Variants in ZNF839 observed in about 807,000 individuals in gnomAD.
The protein encoded by ZNF839 is renal carcinoma antigen NY-REN-50.
Under a neutral mutation model 56.4 loss-of-function variants are expected in ZNF839, and 38 were observed. That is an observed-to-expected ratio of 0.67 (90% CI 0.52 to 0.88). The LOEUF is 0.88. Ranked by LOEUF, ZNF839 falls within the 40% of genes least tolerant of loss-of-function variation. The probability of loss-of-function intolerance (pLI) is 0.00; values close to 1 mark genes in which losing one functional copy is unlikely to be tolerated. For missense variants in ZNF839, 1,091 were observed against 1,177.6 expected (o/e 0.93, Z 1.08); for synonymous variants, 486 against 493.5 (o/e 0.98, Z 0.20).
At chr14:102,333,963 T>TC (rs2073906990) in intron 3 of ZNF839, among the ~76,000 whole-genome samples, 1 of 152,142 alleles carries the variant, frequency 6.6e-6, no homozygotes, top group Admixed American at 6.5e-5. Flanking sequence ...GGCTATGCTC[T>TC]CCCCTCATCT....
rs905734971 is a variant in ZNF839 at position 102,319,942 on chromosome 14, C to T, written c.177C>T (p.Pro59=). Residue 59 remains proline (P), a synonymous_variant, in exon 1 of 8, where the codon CCC becomes CCT. Transcript: ENST00000442396. This position sits in a 1 kb window ranked among gnomAD's most constrained non-coding sequence, Gnocchi z 4.5. ...CGCAGCCGCCGCCGCCGCCGCCCCCCTTCGTGCTGCGGGACGCGGCGCGGC... is the reference window on the plus strand; with the variant it reads ...CGCAGCCGCCGCCGCCGCCGCCCCCTTTCGTGCTGCGGGACGCGGCGCGGC... The part of the protein sequence containing the change: ...TKAQPPPPPP[P]FVLRDAARRL... 1.2e-5 allele frequency: 14 copies of T among 1,196,046 alleles called. No individual in the cohort carries two copies. Among genetic ancestry groups the T allele is most frequent in the African/African-American group, 1.6e-5 (1 of 61,522 alleles). The allele number at this position is 1,196,046 out of a possible 1,614,324, so 74.1% of individuals were successfully genotyped here.
In ZNF839 at chr14:102,326,630, AG is replaced by A. The variant is rs1473744932; in HGVS notation, c.935del (p.Ser312ThrfsTer12). 3 of 1,613,410 alleles carry A rather than the reference AG, an allele frequency of 1.9e-6. No individual in the cohort carries two copies. The highest frequency in any genetic ancestry group is 2.5e-6 in the Non-Finnish European group (3 of 1,179,746). On this transcript the variant is annotated frameshift_variant, in exon 2 of 8. Transcript: ENST00000442396. LOFTEE classifies it high-confidence loss of function. The surrounding 1 kb of genome is among the most constrained non-coding windows in gnomAD (Gnocchi z 4.3). ...ATCGAGCTGCTCCCTGAGGCCCAAAAGCTTTAAGTGTCAGACTTGTGAAAAG... is the reference window on the plus strand; with the variant it reads ...ATCGAGCTGCTCCCTGAGGCCCAAAACTTTAAGTGTCAGACTTGTGAAAAG... ...DLSSCSLRPK[S>X]FKCQTCEKSY... is the part of the protein sequence containing the mutation.
chr14:102,320,334 G>T (rs1015262131), intron 1 of ZNF839, among the ~76,000 whole-genome samples: 6 of 152,174 alleles, frequency 3.9e-5, no homozygotes, highest in Non-Finnish European at 8.8e-5. Context: ...GGGCTTTTGC[G>T]TGCTCCCTAG....
Position 102,326,675 on chromosome 14 carries a change from G to A in ZNF839, c.979G>A (p.Gly327Arg), listed in dbSNP as rs1379307921. 24 of 1,612,110 alleles carry A rather than the reference G, an allele frequency of 1.5e-5. No individual in the cohort carries two copies. Among genetic ancestry groups the A allele is most frequent in the Non-Finnish European group, 1.9e-5 (22 of 1,179,184 alleles). The change falls in exon 2 of 8, where the codon GGA becomes AGA. Residue 327 changes from glycine to arginine, a missense_variant. Transcript: ENST00000442396. This position sits in a 1 kb window ranked among gnomAD's most constrained non-coding sequence, Gnocchi z 4.3. ...TGAAAAGTCATATATAGGGAAGGGG[G>A]GACTGGCCCGACATTTTAAACTTAA... ...TCEKSYIGKG[G>R]LARHFKLNPG...
At chr14:102,333,266 T>C (rs2073869948) in intron 3 of ZNF839, among the ~76,000 whole-genome samples, 1 of 149,916 alleles carries the variant, frequency 6.7e-6, no homozygotes, top group Non-Finnish European at 1.5e-5. Context: ...CCAATCTTTT[T>C]TTTTTTTTTT....
intron 5 of ZNF839, among the ~76,000 whole-genome samples, chr14:102,338,448 G>T (rs1237510641): frequency 6.9e-6 from 1 of 144,950 alleles, no homozygotes; most frequent in African/African-American, 2.6e-5. Flanking sequence ...TGAAGCAGGA[G>T]AATCACTTGA....
chr14:102,325,952 T>C, intron 1 of ZNF839, 33 bp from the exon 2 acceptor site: 3 of 1,596,950 alleles, frequency 1.9e-6, no homozygotes, highest in Middle Eastern at 3.3e-4. Context: ...AGCACAATGC[T>C]TCTTTTCTCT....
chr14:102,326,482 A>C lies in ZNF839; in HGVS notation c.786A>C (p.Lys262Asn). The change falls in exon 2 of 8, where the codon AAA becomes AAC. Residue 262 changes from lysine (K) to asparagine (N), a missense_variant. Transcript: ENST00000442396. The surrounding 1 kb of genome is among the most constrained non-coding windows in gnomAD (Gnocchi z 4.3). ...RVSRPPKYKA[K>N]DYKFIKTEDL... ...CTCGACCTCCCAAATATAAAGCTAA[A>C]GATTATAAGTTCATAAAAACAGAGG... 6.2e-7 allele frequency: 1 copy of C among 1,614,054 alleles called. No homozygotes were observed. The highest frequency in any genetic ancestry group is 8.5e-7 in the Non-Finnish European group (1 of 1,179,896).
chr14:102,336,705 G>A (rs1040188238), intron 5 of ZNF839: 1 of 390,522 alleles, frequency 2.6e-6, no homozygotes, highest in Non-Finnish European at 4.9e-6. Flanking sequence ...CTGATGATCA[G>A]AGTTAAAACC....
chr14:102,341,776 A>T lies in ZNF839; in HGVS notation c.2381A>T (p.Glu794Val). Residue 794 changes from glutamate to valine, a missense_variant, in exon 8 of 8, where the codon GAG becomes GTG. Physicochemically the swap from Glu to Val is moderately radical, Grantham distance 121. This residue lies in a region of ZNF839 where 431 missense variants were observed against 468.0 expected (regional missense o/e 0.92). Transcript: ENST00000442396. ...AGCCCCACCAGCGTCCTGCCTACAG[A>T]GGTGGCAGCCCCTCCGCTTGAGAAA... The part of the protein sequence containing the change: ...QPSPTSVLPT[E>V]VAAPPLEKIL... 6.2e-7 allele frequency: 1 copy of T among 1,613,968 alleles called. No homozygotes were observed. Among genetic ancestry groups the T allele is most frequent in the Non-Finnish European group, 8.5e-7 (1 of 1,179,894 alleles).
chr14:102,326,955 G>A lies in ZNF839; in HGVS notation c.1191+68G>A. 1 of 1,433,934 alleles carries A rather than the reference G, an allele frequency of 7.0e-7. No homozygotes were observed. Among genetic ancestry groups the A allele is most frequent in the Non-Finnish European group, 9.2e-7 (1 of 1,082,596 alleles). 88.8% of individuals were successfully genotyped at this position (1,433,934 alleles called of 1,614,324 possible). On this transcript the variant is annotated intron_variant, in intron 2 of 7. Coordinates refer to ENST00000442396, the MANE Select transcript of ZNF839 (RefSeq NM_018335.6). This position sits in a 1 kb window ranked among gnomAD's most constrained non-coding sequence, Gnocchi z 4.3. ...CTCGGATTGCTATAAAGAAATACCTGAGACCAGGTATTTTATAAAGAAAAG... is the reference window on the plus strand; with the variant it reads ...CTCGGATTGCTATAAAGAAATACCTAAGACCAGGTATTTTATAAAGAAAAG...
Position 102,341,775 on chromosome 14 carries a change from G to A in ZNF839, c.2380G>A (p.Glu794Lys). The change falls in exon 8 of 8, where the codon GAG becomes AAG. Residue 794 changes from glutamate to lysine, a missense_variant. By Grantham distance (56) the Glu-to-Lys change is moderately conservative. Coordinates refer to ENST00000442396, the MANE Select transcript of ZNF839 (RefSeq NM_018335.6). ...CAGCCCCACCAGCGTCCTGCCTACA[G>A]AGGTGGCAGCCCCTCCGCTTGAGAA... ...QPSPTSVLPT[E>K]VAAPPLEKIL... 1 of 1,614,044 alleles carries A rather than the reference G, an allele frequency of 6.2e-7. No individual in the cohort carries two copies. The highest frequency in any genetic ancestry group is 8.5e-7 in the Non-Finnish European group (1 of 1,179,898).
intron 2 of ZNF839, among the ~76,000 whole-genome samples, chr14:102,329,785 T>G (rs1161705819): frequency 1.4e-5 from 2 of 141,682 alleles, no homozygotes; most frequent in Non-Finnish European, 3.0e-5. Flanking sequence ...CAAATAGAGA[T>G]AACCTTTTTT....
At position 102,326,501 on chromosome 14, in the gene ZNF839, A is replaced by C; in HGVS notation, c.805A>C (p.Thr269Pro). The change falls in exon 2 of 8, where the codon ACA becomes CCA. Residue 269 changes from threonine (T) to proline (P), a missense_variant. Thr to Pro is a conservative substitution (Grantham distance 38, BLOSUM62 -1). This residue lies in a region of ZNF839 where 614 missense variants were observed against 629.2 expected (regional missense o/e 0.98). Coordinates refer to ENST00000442396, the MANE Select transcript of ZNF839 (RefSeq NM_018335.6). This position sits in a 1 kb window ranked among gnomAD's most constrained non-coding sequence, Gnocchi z 4.3. The part of the protein sequence containing the change: ...YKAKDYKFIK[T>P]EDLADGHLSD... ...AGCTAAAGATTATAAGTTCATAAAA[A>C]CAGAGGATCTGGCGGATGGTCATCT... The C allele has an allele frequency of 6.2e-7, 1 of 1,614,042 alleles. No individual in the cohort carries two copies. Among genetic ancestry groups the C allele is most frequent in the Non-Finnish European group, 8.5e-7 (1 of 1,179,912 alleles).
At chr14:102,327,864 A>G (rs1419547331) in intron 2 of ZNF839, among the ~76,000 whole-genome samples, 1 of 151,776 alleles carries the variant, frequency 6.6e-6, no homozygotes, top group South Asian at 2.1e-4. Context: ...AGTAAAACCA[A>G]TGGCAGTGCG....
At position 102,326,770 on chromosome 14, in the gene ZNF839, G is replaced by T. The variant is rs762693692; in HGVS notation, c.1074G>T (p.Gly358=). 8 of 1,612,900 alleles carry T rather than the reference G, an allele frequency of 5.0e-6. No individual in the cohort carries two copies. Among genetic ancestry groups the T allele is most frequent in the Non-Finnish European group, 6.8e-6 (8 of 1,179,520 alleles). The stretch of plus-strand genomic sequence containing the variant: ...AAGCCAGTGGAAGCACCCTCCGGGG[G>T]TGCACGGAGGAAAGGACGCTCAGCC... The part of the protein sequence containing the change: ...SEKASGSTLR[G]CTEERTLSLT... The change falls in exon 2 of 8, where the codon GGG becomes GGT. Residue 358 remains glycine (G), a synonymous_variant. Coordinates refer to ENST00000442396, the MANE Select transcript of ZNF839 (RefSeq NM_018335.6). The surrounding 1 kb of genome is among the most constrained non-coding windows in gnomAD (Gnocchi z 4.3).
At position 102,336,691 on chromosome 14, in the gene ZNF839, C is replaced by T. The variant is rs1243170079; in HGVS notation, c.1659+853C>T. Reference sequence around the variant, plus strand: ...AATGGAAAACACCATAATCTTCCCACTCACTGATGATCAGAGTTAAAACCT... The same window carrying T: ...AATGGAAAACACCATAATCTTCCCATTCACTGATGATCAGAGTTAAAACCT... On this transcript the variant is annotated intron_variant, in intron 5 of 7. Transcript: ENST00000442396. 1.4e-5 allele frequency: 6 copies of T among 414,642 alleles called. No homozygotes were observed. In the East Asian group the frequency reaches 4.5e-4, roughly 31 times the overall value. The allele number at this position is 414,642 out of a possible 1,614,324, so 25.7% of individuals were successfully genotyped here. A position where few individuals can be genotyped will look rare whatever the true frequency, so the allele number is the denominator to read the frequency against.
At chr14:102,322,649 C>T (rs79275916) in intron 1 of ZNF839, among the ~76,000 whole-genome samples, 2,154 of 152,244 alleles carry the variant, frequency 0.014, 55 homozygotes, top group African/African-American at 0.05. Flanking sequence ...ACTACAGCCT[C>T]GAACTCCCAG....
upstream of ZNF839, chr14:102,317,789 C>G (rs1341578140): frequency 1.3e-5 from 2 of 151,142 alleles, no homozygotes; most frequent in African/African-American, 2.4e-5. Flanking sequence ...TGTCCCCCCT[C>G]TTTTCTTTTC....
Sources: gnomAD v4.1 joint callset for allele counts (sites outside exome capture counted in the v4.1 genomes callset) on GRCh38, gnomAD v4.1.1 for gene constraint, gnomAD v4.1.1 regional missense constraint, Gnocchi (gnomAD v3.1) non-coding constraint, MANE v1.5 for transcripts, NCBI Gene and HGNC (gene_info 2026-07-23, HGNC 2026-07-21) for gene names.